The following SIL1 variants were observed in gnomAD, a reference collection of about 807,000 sequenced individuals.
SIL1 encodes SIL1 nucleotide exchange factor.
In SIL1, 40 loss-of-function variants were observed where a neutral mutation model predicts 49.1. The ratio of observed to expected loss-of-function variants is 0.81; its 90% CI spans 0.63 to 1.06. The LOEUF (loss-of-function observed/expected upper bound fraction) is 1.06. Ranked by LOEUF, SIL1 falls within the 50% of genes least tolerant of loss-of-function variation. The pLI, the probability that SIL1 is intolerant of heterozygous loss-of-function variation, is 0.00. For synonymous variants in SIL1, 253 were observed against 250.8 expected (o/e 1.01, Z -0.08); for missense variants, 500 against 572.6 (o/e 0.87, Z 1.29).
intron 3 of SIL1, among the ~76,000 whole-genome samples, chr5:139,081,886 A>G (rs1581085664): frequency 6.6e-6 from 1 of 152,090 alleles, no homozygotes; most frequent in East Asian, 1.9e-4. Context: ...CTTAAAAAAA[A>G]AAAACAAAAA....
intron 3 of SIL1, among the ~76,000 whole-genome samples, chr5:139,061,663 T>C (rs181258406): frequency 6.6e-6 from 1 of 152,282 alleles, no homozygotes; most frequent in East Asian, 1.9e-4. Context: ...ACTGTGTCAG[T>C]GCTCAGAAGA....
At chr5:139,041,264 C>T (rs1293628860) in intron 5 of SIL1, among the ~76,000 whole-genome samples, 4 of 152,312 alleles carry the variant, frequency 2.6e-5, no homozygotes, top group East Asian at 1.9e-4. Flanking sequence ...ATACACTCTC[C>T]GTGTAGGAGA....
intron 1 of SIL1, among the ~76,000 whole-genome samples, chr5:139,132,829 A>G (rs574639599): frequency 6.6e-6 from 1 of 152,224 alleles, no homozygotes; most frequent in East Asian, 1.9e-4. Flanking sequence ...GGAAAGGGGG[A>G]AAGGGAAGTG....
chr5:139,060,181 T>C (rs2150464085), intron 3 of SIL1, among the ~76,000 whole-genome samples: 1 of 152,346 alleles, frequency 6.6e-6, no homozygotes, highest in South Asian at 2.1e-4. Context: ...AACTGTTTAT[T>C]TGGTGAGCCT....
chr5:138,947,528 CAGGG>C lies in SIL1; in HGVS notation c.1030-59_1030-56del. On this transcript the variant is annotated intron_variant, in intron 9 of 9. Transcript: ENST00000394817. The surrounding 1 kb of genome is among the most constrained non-coding windows in gnomAD (Gnocchi z 4.1). ...AGGGTGGGGGTGGGGAGAGAACACACAGGGAGCAGTTAGCTCACACCTGGCTAGC... is the reference window on the plus strand; with the variant it reads ...AGGGTGGGGGTGGGGAGAGAACACACAGCAGTTAGCTCACACCTGGCTAGC... 1 of 1,520,952 alleles carries C rather than the reference CAGGG, an allele frequency of 6.6e-7. No individual in the cohort carries two copies. Among genetic ancestry groups the C allele is most frequent in the Non-Finnish European group, 9.1e-7 (1 of 1,096,364 alleles). 94.2% of individuals were successfully genotyped at this position (1,520,952 alleles called of 1,614,324 possible). A position where few individuals can be genotyped will look rare whatever the true frequency, so the allele number is the denominator to read the frequency against.
chr5:139,043,126 G>A (rs1208341777), intron 4 of SIL1, among the ~76,000 whole-genome samples: 2 of 152,206 alleles, frequency 1.3e-5, no homozygotes, highest in East Asian at 3.9e-4. Flanking sequence ...AGTCAGCCAA[G>A]GGTCTAACAG....
At chr5:138,956,806 CAACAAAA>C (rs1031116904) in intron 7 of SIL1, among the ~76,000 whole-genome samples, 5 of 150,836 alleles carry the variant, frequency 3.3e-5, no homozygotes, top group East Asian at 1.9e-4. Flanking sequence ...ACAACAACAA[CAACAAAA>C]AACAAAAAAC....
At chr5:138,994,124 A>C (rs1011556795) in intron 7 of SIL1, among the ~76,000 whole-genome samples, 3 of 152,218 alleles carry the variant, frequency 2.0e-5, no homozygotes, top group Non-Finnish European at 2.9e-5. Flanking sequence ...GATGTCTACT[A>C]GTATTTCAAT....
At chr5:139,003,463 T>C (rs1372012762) in intron 7 of SIL1, among the ~76,000 whole-genome samples, 2 of 152,188 alleles carry the variant, frequency 1.3e-5, no homozygotes, top group South Asian at 2.1e-4. Flanking sequence ...CTCCCACCTT[T>C]CACACCAAAT....
At chr5:139,012,588 T>G (rs1768304968) in intron 7 of SIL1, 1 of 152,258 alleles carries the variant, frequency 6.6e-6, no homozygotes, top group South Asian at 2.1e-4. Context: ...TTATCAAATA[T>G]CAAGTAATTG....
chr5:139,125,024 G>A (rs187794451), intron 2 of SIL1, among the ~76,000 whole-genome samples: 1 of 152,350 alleles, frequency 6.6e-6, no homozygotes, highest in Non-Finnish European at 1.5e-5. Context: ...GGGATACTGA[G>A]ATCACCTTAG....
intron 1 of SIL1, among the ~76,000 whole-genome samples, chr5:139,139,384 C>A (rs529512284): frequency 2.0e-5 from 3 of 152,264 alleles, no homozygotes; most frequent in African/African-American, 7.2e-5. Flanking sequence ...AACATCAGGG[C>A]CTCTTAAAGG....
At chr5:139,159,438 C>A (rs1349010432) in intron 1 of SIL1, among the ~76,000 whole-genome samples, 1 of 152,114 alleles carries the variant, frequency 6.6e-6, no homozygotes, top group African/African-American at 2.4e-5. Flanking sequence ...TGAGAGAAAA[C>A]GGAAAAAGAT....
intron 5 of SIL1, among the ~76,000 whole-genome samples, chr5:139,030,383 A>C (rs1768759582): frequency 6.6e-6 from 1 of 151,968 alleles, no homozygotes; most frequent in Non-Finnish European, 1.5e-5. Flanking sequence ...AGGCTGGGGC[A>C]GGAGAATCAC....
chr5:139,151,881 A>G (rs1751307130), intron 1 of SIL1, among the ~76,000 whole-genome samples: 2 of 152,328 alleles, frequency 1.3e-5, no homozygotes, highest in African/African-American at 4.8e-5. Context: ...GAATTTCTAT[A>G]TTTTTCAAAT....
At chr5:138,976,001 A>G (rs1767385593) in intron 7 of SIL1, among the ~76,000 whole-genome samples, 1 of 152,282 alleles carries the variant, frequency 6.6e-6, no homozygotes, top group African/African-American at 2.4e-5. Flanking sequence ...GAGGGAAAAG[A>G]GCTGCTTCAC....
intron 3 of SIL1, among the ~76,000 whole-genome samples, chr5:139,120,446 C>T (rs60191112): frequency 2.0e-5 from 3 of 152,010 alleles, no homozygotes; most frequent in Admixed American, 1.3e-4. Context: ...ATTATGCATA[C>T]GAAGCACCTA....
At chr5:138,979,952 T>G (rs1767480431) in intron 7 of SIL1, among the ~76,000 whole-genome samples, 1 of 152,070 alleles carries the variant, frequency 6.6e-6, no homozygotes, top group Non-Finnish European at 1.5e-5. Context: ...GCCACCCGGG[T>G]GAGCAAAAGA....
chr5:138,957,566 G>GA (rs948585617), intron 7 of SIL1, among the ~76,000 whole-genome samples: 8 of 150,618 alleles, frequency 5.3e-5, no homozygotes, highest in East Asian at 1.9e-4. Flanking sequence ...TCTCTCTAAA[G>GA]AAAAAAAAAT....
Sources: allele counts gnomAD v4.1 joint callset (sites outside exome capture counted in the v4.1 genomes callset), GRCh38; gene constraint gnomAD v4.1.1; non-coding constraint Gnocchi (gnomAD v3.1); transcripts MANE v1.5; gene names NCBI Gene and HGNC (gene_info 2026-07-23, HGNC 2026-07-21).